CACHD1: variants seen among roughly 807,000 people sequenced by gnomAD.
CACHD1 encodes VWFA and cache domain-containing protein 1.
A neutral mutation model predicts 138.7 loss-of-function variants in CACHD1; 71 were observed. The ratio of observed to expected loss-of-function variants is 0.51; its 90% CI spans 0.42 to 0.62. The LOEUF (loss-of-function observed/expected upper bound fraction) is 0.62, where lower values mean the gene tolerates loss of function less well. Ranked by LOEUF, CACHD1 falls within the 20% of genes least tolerant of loss-of-function variation. The pLI is 0.00. For synonymous variants in CACHD1, 578 were observed against 591.5 expected (o/e 0.98, Z 0.33); for missense variants, 1,389 against 1,625.3 (o/e 0.85, Z 2.50).
At chr1:64,666,693 A>C (rs1357355268) in intron 16 of CACHD1, among the ~76,000 whole-genome samples, 8 of 152,006 alleles carry the variant, frequency 5.3e-5, no homozygotes, top group Admixed American at 5.2e-4. Context: ...CCTGAGCAAC[A>C]TAGCGAGACC....
intron 1 of CACHD1, among the ~76,000 whole-genome samples, chr1:64,473,888 A>C (rs1646159768): frequency 6.6e-6 from 1 of 152,164 alleles, no homozygotes; most frequent in Non-Finnish European, 1.5e-5. Flanking sequence ...AAGGAGTTGC[A>C]AGGGGGTAAT....
chr1:64,601,553 A>T (rs1481999645), intron 3 of CACHD1, among the ~76,000 whole-genome samples: 1 of 152,220 alleles, frequency 6.6e-6, no homozygotes, highest in Non-Finnish European at 1.5e-5. Flanking sequence ...CTTCTTTGAG[A>T]TGGTATGAAA....
chr1:64,654,834 G>C, intron 12 of CACHD1, 31 bp downstream of exon 12: 1 of 1,487,180 alleles, frequency 6.7e-7, no homozygotes, highest in East Asian at 2.3e-5. Flanking sequence ...TTTGCTTGAA[G>C]AGCTACAGGG....
intron 24 of CACHD1, among the ~76,000 whole-genome samples, chr1:64,680,226 T>A (rs1057370971): frequency 1.3e-5 from 2 of 152,170 alleles, no homozygotes; most frequent in Non-Finnish European, 2.9e-5. Flanking sequence ...CGGTGGCTCA[T>A]GCCTGTAATC....
chr1:64,605,839 G>A (rs945627711), intron 4 of CACHD1, among the ~76,000 whole-genome samples: 3 of 152,166 alleles, frequency 2.0e-5, no homozygotes, highest in African/African-American at 7.2e-5. Context: ...ATTGTTAGAA[G>A]TAGTGTTACT....
At chr1:64,567,970 C>G (rs1646896457) in intron 2 of CACHD1, among the ~76,000 whole-genome samples, 1 of 151,836 alleles carries the variant, frequency 6.6e-6, no homozygotes, top group Non-Finnish European at 1.5e-5. Flanking sequence ...ATAACTGGAG[C>G]CTTAGGAGGA....
At chr1:64,635,182 T>C (rs751666) in intron 7 of CACHD1, among the ~76,000 whole-genome samples, 102,929 of 151,260 alleles carry the variant, frequency 0.68, 37,726 homozygotes, top group Non-Finnish European at 0.8. Flanking sequence ...TCTGCACTTA[T>C]GTCCCAAGGG....
intron 7 of CACHD1, among the ~76,000 whole-genome samples, chr1:64,636,066 G>A (rs1016287898): frequency 6.6e-6 from 1 of 150,996 alleles, no homozygotes; most frequent in African/African-American, 2.4e-5. Context: ...AGCCAAGATT[G>A]CGCCACTGTA....
At chr1:64,564,076 T>C (rs1403411437) in intron 2 of CACHD1, among the ~76,000 whole-genome samples, 1 of 152,170 alleles carries the variant, frequency 6.6e-6, no homozygotes, top group African/African-American at 2.4e-5. Flanking sequence ...CAGGTGCAAG[T>C]AGAGGCTTTC....
intron 1 of CACHD1, among the ~76,000 whole-genome samples, chr1:64,536,358 T>G (rs764268684): frequency 2.6e-5 from 4 of 152,152 alleles, no homozygotes; most frequent in Non-Finnish European, 5.9e-5. Context: ...ACACAATGCT[T>G]CCCATCCAGG....
At chr1:64,620,197 C>T (rs1174044593) in intron 4 of CACHD1, among the ~76,000 whole-genome samples, 3 of 152,064 alleles carry the variant, frequency 2.0e-5, no homozygotes, top group African/African-American at 7.2e-5. Flanking sequence ...TTGGATTTTT[C>T]TGAGCTGCTG....
At chr1:64,687,277 CAATT>C (rs1216635527) in intron 26 of CACHD1, among the ~76,000 whole-genome samples, 1 of 152,162 alleles carries the variant, frequency 6.6e-6, no homozygotes, top group African/African-American at 2.4e-5. Flanking sequence ...ACTGAGTAAA[CAATT>C]AATTTGTTGA....
At chr1:64,545,678 A>T (rs1010729862) in intron 1 of CACHD1, among the ~76,000 whole-genome samples, 1 of 152,192 alleles carries the variant, frequency 6.6e-6, no homozygotes, top group Non-Finnish European at 1.5e-5. Context: ...TGTGTACTGT[A>T]CTTGTCTTTT....
chr1:64,521,853 A>G (rs534652982), intron 1 of CACHD1, among the ~76,000 whole-genome samples: 7 of 152,332 alleles, frequency 4.6e-5, no homozygotes, highest in African/African-American at 1.7e-4. Context: ...GATGCTTTAT[A>G]TAGTCTAGAT....
chr1:64,528,551 G>T (rs1646558284), intron 1 of CACHD1, among the ~76,000 whole-genome samples: 1 of 152,112 alleles, frequency 6.6e-6, no homozygotes, highest in African/African-American at 2.4e-5. Context: ...TCACAGCAGA[G>T]ATTTACTTTG....
chr1:64,538,354 G>C (rs1015604512), intron 1 of CACHD1, among the ~76,000 whole-genome samples: 1 of 152,142 alleles, frequency 6.6e-6, no homozygotes. Context: ...CAGTTTCAGA[G>C]ATATATTTAT....
At chr1:64,675,595 C>T (rs967476811) in intron 20 of CACHD1, 34 bp downstream of exon 20, 14 of 1,572,936 alleles carry the variant, frequency 8.9e-6, no homozygotes, top group Non-Finnish European at 1.2e-5. Context: ...CTGTGTTCAC[C>T]ACACTGTTTA....
chr1:64,494,133 C>G (rs1646293616), intron 1 of CACHD1, among the ~76,000 whole-genome samples: 1 of 152,196 alleles, frequency 6.6e-6, no homozygotes, highest in South Asian at 2.1e-4. Context: ...TTACCCCCAG[C>G]TGGGGACTTT....
At chr1:64,474,970 T>C (rs1646166061) in intron 1 of CACHD1, among the ~76,000 whole-genome samples, 1 of 151,978 alleles carries the variant, frequency 6.6e-6, no homozygotes, top group Admixed American at 6.6e-5. Context: ...GCAGAAGAAA[T>C]ACCAGAAGCA....
Sources: allele counts gnomAD v4.1 joint callset (sites outside exome capture counted in the v4.1 genomes callset), GRCh38; gene constraint gnomAD v4.1.1; transcripts MANE v1.5; gene names NCBI Gene and HGNC (gene_info 2026-07-23, HGNC 2026-07-21).